The following CALB2 variants were observed in gnomAD, a reference collection of about 807,000 sequenced individuals.
The protein encoded by CALB2 is calbindin 2, also known as calretinin.
CALB2 carries 34 observed loss-of-function variants against 45.9 expected under a neutral mutation model. The observed-to-expected ratio is 0.74, with a 90% CI of 0.56 to 0.99. The LOEUF (loss-of-function observed/expected upper bound fraction) is 0.99, where lower values mean the gene tolerates loss of function less well. Ranked by LOEUF, CALB2 falls within the 50% of genes least tolerant of loss-of-function variation. The pLI, the probability that CALB2 is intolerant of heterozygous loss-of-function variation, is 0.00. For synonymous variants in CALB2, 142 were observed against 129.6 expected (o/e 1.10, Z -0.65); for missense variants, 344 against 339.3 (o/e 1.01, Z -0.11).
intron 4 of CALB2, among the ~76,000 whole-genome samples, chr16:71,380,103 A>G (rs2042469007): frequency 1.3e-5 from 2 of 151,924 alleles, no homozygotes; most frequent in Admixed American, 6.6e-5. Flanking sequence ...ACAGCCAAAA[A>G]TTGGCCTCTA....
rs745612170 is a variant in CALB2, at chr16:71,384,768, C to A, written c.574-15C>A. The A allele has an allele frequency of 2.8e-6, 4 of 1,423,876 alleles. No homozygotes were observed. In the East Asian group the frequency reaches 8.2e-5, roughly 29 times the overall value. 88.2% of individuals were successfully genotyped at this position (1,423,876 alleles called of 1,614,324 possible). A position where few individuals can be genotyped will look rare whatever the true frequency, so the allele number is the denominator to read the frequency against. On this transcript the variant is annotated splice_polypyrimidine_tract_variant and intron_variant, in intron 8 of 10. Transcript: ENST00000302628. Reference sequence around the variant, plus strand: ...TGCGCTTCTGCTTCTGTCTTTAATACCCTGGTTCTTGCAGGGCATGAAGCT... The same window carrying A: ...TGCGCTTCTGCTTCTGTCTTTAATAACCTGGTTCTTGCAGGGCATGAAGCT...
chr16:71,366,022 CTCT>C (rs1386737463), intron 1 of CALB2, among the ~76,000 whole-genome samples: 22 of 50,542 alleles, frequency 4.4e-4, no homozygotes, highest in African/African-American at 9.0e-4. Context: ...CCCTCTCTCT[CTCT>C]TTTTTTTTTT....
rs763837476 is a variant in CALB2, at chr16:71,362,541, T to A, written c.94+3655T>A. ...CAATTTCAGTGGGTGGAGGGGAGAA[T>A]GTGCTTCACTGGGGGACAGAAAAAT... is the stretch of plus-strand genomic sequence containing the variant. On this transcript the variant is annotated intron_variant, in intron 1 of 10. Transcript: ENST00000302628. Among the ~76,000 whole-genome samples, 182 of 152,314 alleles carry A rather than the reference T, an allele frequency of 1.2e-3. 1 individual carries two copies. In the Middle Eastern group the frequency reaches 0.024, roughly 20 times the overall value.
intron 1 of CALB2, among the ~76,000 whole-genome samples, chr16:71,367,944 A>G (rs1240040289): frequency 1.3e-5 from 2 of 152,082 alleles, no homozygotes; most frequent in African/African-American, 4.8e-5. Flanking sequence ...CCCTGCCTCC[A>G]GTTTTCCTCC....
At chr16:71,386,032 A>G (rs888250696) in intron 10 of CALB2, among the ~76,000 whole-genome samples, 2 of 152,194 alleles carry the variant, frequency 1.3e-5, no homozygotes, top group Non-Finnish European at 2.9e-5. Flanking sequence ...TCTCCTGCCA[A>G]CCACTCTACT....
chr16:71,367,482 G>A (rs2042301319), intron 1 of CALB2, among the ~76,000 whole-genome samples: 3 of 152,134 alleles, frequency 2.0e-5, no homozygotes, highest in South Asian at 4.1e-4. Context: ...AGATGGATGG[G>A]GAGTTGCTTT....
At chr16:71,363,087 G>T (rs2144949534) in intron 1 of CALB2, among the ~76,000 whole-genome samples, 1 of 152,142 alleles carries the variant, frequency 6.6e-6, no homozygotes, top group East Asian at 1.9e-4. Flanking sequence ...GAGAGGCTGA[G>T]GCAGGAAGAT....
chr16:71,374,769 G>A lies in CALB2; in HGVS notation c.196G>A (p.Glu66Lys). 1.2e-6 allele frequency: 2 copies of A among 1,613,462 alleles called. No individual in the cohort carries two copies. The highest frequency in any genetic ancestry group is 2.2e-5 in the East Asian group (1 of 44,874). Residue 66 changes from glutamate (E) to lysine (K), a missense_variant, in exon 3 of 11, where the codon GAA becomes AAA. Glu to Lys is a moderately conservative substitution (Grantham distance 56). Transcript: ENST00000302628. The stretch of plus-strand genomic sequence containing the variant: ...GATGTCAAAGAGTGACAACTTTGGA[G>A]AAAAGATGAAGGAGTTCATGCAGAA... ...GMMSKSDNFG[E>K]KMKEFMQKYD... is the part of the protein sequence containing the mutation.
At chr16:71,385,351 T>G (rs901340998) in intron 9 of CALB2, 2 of 472,306 alleles carry the variant, frequency 4.2e-6, no homozygotes, top group Admixed American at 7.3e-5. Context: ...TCAACGCACA[T>G]GAAAAGCACC....
At chr16:71,367,534 C>T (rs2042302365) in intron 1 of CALB2, among the ~76,000 whole-genome samples, 1 of 152,136 alleles carries the variant, frequency 6.6e-6, no homozygotes, top group South Asian at 2.1e-4. Flanking sequence ...CATCCACAAT[C>T]GAGGGCTGGG....
At chr16:71,389,607 T>C (rs1222578189) in intron 10 of CALB2, 142 bp from the exon 11 acceptor site, 2 of 765,010 alleles carry the variant, frequency 2.6e-6, no homozygotes, top group Non-Finnish European at 4.8e-6. Flanking sequence ...CCAAAATCCA[T>C]GCTTTGCATT....
chr16:71,383,267 C>T, intron 5 of CALB2, 100 bp from the exon 6 acceptor site: 2 of 1,066,992 alleles, frequency 1.9e-6, no homozygotes, highest in African/African-American at 1.6e-5. Flanking sequence ...GAAAAACACA[C>T]ACACACACAT....
intron 7 of CALB2, 151 bp downstream of exon 7, chr16:71,384,176 CACCTT>C (rs887800627): frequency 5.8e-6 from 6 of 1,031,056 alleles, no homozygotes; most frequent in African/African-American, 3.1e-5. Context: ...GTCAACACCT[CACCTT>C]GTCTGTCTCC....
At chr16:71,377,618 C>T (rs1377182567) in intron 3 of CALB2, 49 bp from the exon 4 acceptor site, 4 of 1,347,514 alleles carry the variant, frequency 3.0e-6, no homozygotes, top group Middle Eastern at 1.8e-4. Context: ...TGCTCTGCTC[C>T]CTGTCAAGTC....
rs1598167645 is a variant in CALB2, at chr16:71,376,539, CCA to C, written c.262-1125_262-1124del. Among the ~76,000 whole-genome samples, 4 of 152,120 alleles carry C rather than the reference CCA, an allele frequency of 2.6e-5. No individual in the cohort carries two copies. In the South Asian group the frequency reaches 6.2e-4, roughly 24 times the overall value. On this transcript the variant is annotated intron_variant, in intron 3 of 10. Coordinates refer to ENST00000302628, the MANE Select transcript of CALB2 (RefSeq NM_001740.5). ...TACATCCACATACAACCACATGCAT[CCA>C]CATTCAACCACACACACCCACATAC...
intron 4 of CALB2, among the ~76,000 whole-genome samples, chr16:71,379,911 G>T (rs966775270): frequency 6.6e-6 from 1 of 152,208 alleles, no homozygotes; most frequent in African/African-American, 2.4e-5. Flanking sequence ...GTTTTTTCAA[G>T]ATGGCAAGAT....
At chr16:71,386,415 T>C (rs1326113149) in intron 10 of CALB2, among the ~76,000 whole-genome samples, 2 of 152,210 alleles carry the variant, frequency 1.3e-5, no homozygotes, top group African/African-American at 4.8e-5. Flanking sequence ...AGGGCTATTC[T>C]GGATTGATGA....
intron 10 of CALB2, among the ~76,000 whole-genome samples, chr16:71,386,736 G>A (rs1051165186): frequency 4.6e-5 from 7 of 152,144 alleles, no homozygotes; most frequent in Non-Finnish European, 7.4e-5. Flanking sequence ...TTGTCTCACC[G>A]CCTTGGCTGA....
chr16:71,385,509 C>G, intron 9 of CALB2, 68 bp from the exon 10 acceptor site: 1 of 1,422,090 alleles, frequency 7.0e-7, no homozygotes. Flanking sequence ...TTAGACATCC[C>G]TGGAATGGGT....
Sources: allele counts gnomAD v4.1 joint callset (sites outside exome capture counted in the v4.1 genomes callset), GRCh38; gene constraint gnomAD v4.1.1; transcripts MANE v1.5; gene names NCBI Gene and HGNC (gene_info 2026-07-23, HGNC 2026-07-21).